R3HDM2: variants seen among roughly 807,000 people sequenced by gnomAD.
The protein encoded by R3HDM2 is R3H domain containing 2.
A neutral mutation model predicts 124.5 loss-of-function variants in R3HDM2; 38 were observed. The observed-to-expected ratio is 0.31, with a 90% CI of 0.24 to 0.40. The LOEUF (loss-of-function observed/expected upper bound fraction) is 0.40. Ranked by LOEUF, R3HDM2 falls within the 10% of genes least tolerant of loss-of-function variation. The pLI, the probability that R3HDM2 is intolerant of heterozygous loss-of-function variation, is 1.00. For synonymous variants in R3HDM2, 391 were observed against 448.0 expected (o/e 0.87, Z 1.61); for missense variants, 869 against 1,236.9 (o/e 0.70, Z 4.46).
At chr12:57,303,291 T>C in intron 3 of R3HDM2, 74 bp from the exon 4 acceptor site, 2 of 1,330,948 alleles carry the variant, frequency 1.5e-6, no homozygotes, top group Non-Finnish European at 2.1e-6. Flanking sequence ...TACATGTTTA[T>C]AAAGAAAAAG....
At chr12:57,329,737 C>T (rs2136541504) in intron 2 of R3HDM2, among the ~76,000 whole-genome samples, 1 of 146,832 alleles carries the variant, frequency 6.8e-6, no homozygotes, top group Admixed American at 7.0e-5. Flanking sequence ...CAGAAAAAGA[C>T]TCCGTCTCAA....
rs182173744 is a variant in R3HDM2 at position 57,418,113 on chromosome 12, T to C, written c.-106+12607A>G. 8 of 966,664 alleles carry C rather than the reference T, an allele frequency of 8.3e-6. No homozygotes were observed. The East Asian group carries it at 5.7e-4, about 69-fold the overall frequency. 59.9% of individuals were successfully genotyped at this position (966,664 alleles called of 1,614,324 possible). On this transcript the variant is annotated intron_variant, in intron 1 of 23. Coordinates refer to ENST00000402412, the MANE Select transcript of R3HDM2 (RefSeq NM_001394031.1). ...TCCAAAAGTGAACTCTCTACCAACA[T>C]TTCCTCTAATCCCAAACCTACCCTT...
chr12:57,270,958 C>T (rs140144225), intron 14 of R3HDM2, among the ~76,000 whole-genome samples: 7 of 152,250 alleles, frequency 4.6e-5, no homozygotes, highest in South Asian at 4.1e-4. Context: ...AGCGGCTTAA[C>T]GAAAAAGATT....
intron 1 of R3HDM2, among the ~76,000 whole-genome samples, chr12:57,418,966 T>C (rs980608029): frequency 1.3e-5 from 2 of 152,332 alleles, no homozygotes; most frequent in East Asian, 1.9e-4. Context: ...GTTTCCTTTG[T>C]AAAATACAAA....
At chr12:57,275,591 A>G (rs2044512528) in intron 14 of R3HDM2, among the ~76,000 whole-genome samples, 1 of 152,152 alleles carries the variant, frequency 6.6e-6, no homozygotes, top group Non-Finnish European at 1.5e-5. Flanking sequence ...AAAGACTAAT[A>G]TCCAGAATCT....
chr12:57,279,714 G>A (rs756915915), intron 14 of R3HDM2, among the ~76,000 whole-genome samples: 23 of 151,994 alleles, frequency 1.5e-4, no homozygotes, highest in Admixed American at 6.6e-4. Flanking sequence ...TTCTGGTTTA[G>A]AACAGGACTG....
In R3HDM2 at chr12:57,299,365, C is replaced by T; in HGVS notation, c.408G>A (p.Lys136=). ...KDKNKEKIPR[K]MLSRDSSQEY... is the part of the protein sequence containing the mutation. ...AAAACTCCTTACCTCTGGACAGCAT[C>T]TTCCTTGGGATCTTTTCTTTGTTTT... is the stretch of plus-strand genomic sequence containing the variant. The change falls in exon 6 of 24, where the codon AAG becomes AAA. Residue 136 remains lysine (K), a synonymous_variant. Coordinates refer to ENST00000402412, the MANE Select transcript of R3HDM2 (RefSeq NM_001394031.1). The T allele has an allele frequency of 6.5e-7, 1 of 1,549,772 alleles. No homozygotes were observed. The highest frequency in any genetic ancestry group is 8.7e-7 in the Non-Finnish European group (1 of 1,144,850).
chr12:57,423,365 A>G (rs1363750288), intron 1 of R3HDM2, among the ~76,000 whole-genome samples: 5 of 151,966 alleles, frequency 3.3e-5, no homozygotes, highest in Non-Finnish European at 5.9e-5. Context: ...CGGAGGGTGC[A>G]GTGAGTCGAC....
chr12:57,269,455 G>A lies in R3HDM2; in HGVS notation c.1588-6C>T. The A allele has an allele frequency of 6.2e-7, 1 of 1,613,892 alleles. No individual in the cohort carries two copies. Among genetic ancestry groups the A allele is most frequent in the Non-Finnish European group, 8.5e-7 (1 of 1,179,928 alleles). Reference sequence around the variant, plus strand: ...GGATAGTAAGAAACCTGGATCTATGGTGAGAGGAGACAGATGTGTGAGAAG... The same window carrying A: ...GGATAGTAAGAAACCTGGATCTATGATGAGAGGAGACAGATGTGTGAGAAG... On this transcript the variant is annotated splice_polypyrimidine_tract_variant and splice_region_variant and intron_variant, in intron 15 of 23. Transcript: ENST00000402412.
chr12:57,287,333 G>A (rs894444405), intron 12 of R3HDM2, among the ~76,000 whole-genome samples: 1 of 152,200 alleles, frequency 6.6e-6, no homozygotes. Context: ...GATGATCTAT[G>A]ACCCCGAAGT....
intron 14 of R3HDM2, among the ~76,000 whole-genome samples, chr12:57,279,468 C>T (rs900940000): frequency 1.3e-5 from 2 of 150,508 alleles, no homozygotes; most frequent in Non-Finnish European, 3.0e-5. Flanking sequence ...CAGGCTTGAG[C>T]AACCATGCCT....
intron 13 of R3HDM2, among the ~76,000 whole-genome samples, chr12:57,283,031 G>A (rs970764324): frequency 1.2e-4 from 19 of 152,218 alleles, no homozygotes; most frequent in African/African-American, 4.3e-4. Flanking sequence ...TGGAACATAG[G>A]AGTGTCTGCT....
intron 2 of R3HDM2, among the ~76,000 whole-genome samples, chr12:57,310,784 C>T (rs894350664): frequency 6.6e-5 from 10 of 152,172 alleles, no homozygotes; most frequent in African/African-American, 2.4e-4. Context: ...TTTGTAATCT[C>T]TTCCTCCCTT....
chr12:57,409,399 T>C (rs1276085899), intron 1 of R3HDM2, among the ~76,000 whole-genome samples: 1 of 151,844 alleles, frequency 6.6e-6, no homozygotes, highest in Non-Finnish European at 1.5e-5. Context: ...AGCATATTTA[T>C]ACTCTGTCAC....
At chr12:57,362,779 T>C (rs1414800474) in intron 2 of R3HDM2, among the ~76,000 whole-genome samples, 1 of 152,176 alleles carries the variant, frequency 6.6e-6, no homozygotes, top group African/African-American at 2.4e-5. Flanking sequence ...AAATAATATT[T>C]TCTCCACAGA....
At chr12:57,287,938 G>C (rs2047709256) in intron 12 of R3HDM2, among the ~76,000 whole-genome samples, 1 of 151,822 alleles carries the variant, frequency 6.6e-6, no homozygotes, top group African/African-American at 2.4e-5. Flanking sequence ...GGTTGCACCA[G>C]CATTCAGAGT....
Position 57,298,088 on chromosome 12 carries a change from A to C in R3HDM2, c.500+2T>G. ...TTCCTCTTATACCCATCATGTTATT[A>C]CCTTGGGTTCTTTTTCAGTGTATTT... is the stretch of plus-strand genomic sequence containing the variant. On this transcript the variant is annotated splice_donor_variant, in intron 7 of 23. Transcript: ENST00000402412. LOFTEE classifies it high-confidence loss of function. 1 of 1,546,730 alleles carries C rather than the reference A, an allele frequency of 6.5e-7. No individual in the cohort carries two copies. The highest frequency in any genetic ancestry group is 8.7e-7 in the Non-Finnish European group (1 of 1,142,904).
intron 2 of R3HDM2, among the ~76,000 whole-genome samples, chr12:57,360,114 C>T (rs1415341670): frequency 1.3e-5 from 2 of 149,016 alleles, no homozygotes; most frequent in East Asian, 2.0e-4. Flanking sequence ...CTGCAACCTC[C>T]GCCTTCTGGG....
At chr12:57,418,315 C>G (rs1053882261) in intron 1 of R3HDM2, 1 of 985,416 alleles carries the variant, frequency 1.0e-6, no homozygotes, top group African/African-American at 1.7e-5. Context: ...TACTTCTGCG[C>G]AGAACATTTA....
Sources: allele counts gnomAD v4.1 joint callset (sites outside exome capture counted in the v4.1 genomes callset), GRCh38; gene constraint gnomAD v4.1.1; transcripts MANE v1.5; gene names NCBI Gene and HGNC (gene_info 2026-07-23, HGNC 2026-07-21).